PTPN2: variants seen among roughly 807,000 people sequenced by gnomAD.
PTPN2 encodes the protein protein tyrosine phosphatase non-receptor type 2.
Under a neutral mutation model 57.3 loss-of-function variants are expected in PTPN2, and 19 were observed. The ratio of observed to expected loss-of-function variants is 0.33; its 90% CI spans 0.23 to 0.49. PTPN2 has a LOEUF of 0.49. Ranked by LOEUF, PTPN2 falls within the 20% of genes least tolerant of loss-of-function variation. PTPN2 has a pLI of 0.99. For missense variants in PTPN2, 358 were observed against 501.1 expected (o/e 0.71, Z 2.73); for synonymous variants, 153 against 164.9 (o/e 0.93, Z 0.55).
intron 1 of PTPN2, among the ~76,000 whole-genome samples, chr18:12,870,186 C>A (rs1431112418): frequency 3.4e-5 from 5 of 147,978 alleles, no homozygotes; most frequent in Non-Finnish European, 7.4e-5. Flanking sequence ...AATGAGAAAA[C>A]AGACTCAACT....
intron 5 of PTPN2, 30 bp from the exon 6 acceptor site, chr18:12,817,395 G>C: frequency 6.4e-7 from 1 of 1,558,378 alleles, no homozygotes; most frequent in East Asian, 2.2e-5. Context: ...GGAGAAGTTA[G>C]TTCTAACTTT....
chr18:12,793,690 G>A lies in PTPN2; in HGVS notation c.*588C>T. The A allele has an allele frequency of 4.1e-6, 4 of 982,534 alleles. No individual in the cohort carries two copies. Among genetic ancestry groups the A allele is most frequent in the Non-Finnish European group, 4.8e-6 (4 of 826,860 alleles). The allele number at this position is 982,534 out of a possible 1,614,324, so 60.9% of individuals were successfully genotyped here. ...AAAATGTATCCAGTACAATTCAATC[G>A]ACATACAATTTATTTTTTTAGTAAC... On this transcript the variant is annotated 3_prime_UTR_variant, in exon 9 of 9. Transcript: ENST00000309660.
At position 12,884,178 on chromosome 18, in the gene PTPN2, C is replaced by T. The variant is rs752350784; in HGVS notation, c.-37G>A. 5.4e-5 allele frequency: 83 copies of T among 1,543,210 alleles called. No individual in the cohort carries two copies. Among genetic ancestry groups the T allele is most frequent in the Non-Finnish European group, 4.5e-5 (52 of 1,143,372 alleles). On this transcript the variant is annotated 5_prime_UTR_variant, in exon 1 of 9. Transcript: ENST00000309660. Reference sequence around the variant, plus strand: ...CGAGCTGGCGCGAGCAGAGCCTGCGCCGGCGGAGAGGCTCAGGCCCCGCAC... The same window carrying T: ...CGAGCTGGCGCGAGCAGAGCCTGCGTCGGCGGAGAGGCTCAGGCCCCGCAC...
At chr18:12,824,979 A>G (rs1488136539) in intron 5 of PTPN2, among the ~76,000 whole-genome samples, 6 of 152,140 alleles carry the variant, frequency 3.9e-5, no homozygotes, top group Non-Finnish European at 7.4e-5. Context: ...CCAGATACTC[A>G]GGAGGCTGAA....
chr18:12,816,912 A>C (rs1206770038), intron 6 of PTPN2, among the ~76,000 whole-genome samples: 1 of 152,186 alleles, frequency 6.6e-6, no homozygotes, highest in Non-Finnish European at 1.5e-5. Flanking sequence ...TGTAATATAA[A>C]GCTACCAGGA....
chr18:12,804,289 C>CAAAAAAAA (rs59927276), intron 7 of PTPN2, among the ~76,000 whole-genome samples: 42 of 67,686 alleles, frequency 6.2e-4, no homozygotes, highest in African/African-American at 1.5e-3. Context: ...GAAACTGTCT[C>CAAAAAAAA]AAAAAAAAAA....
At chr18:12,876,044 C>T in intron 1 of PTPN2, among the ~76,000 whole-genome samples, 1 of 152,000 alleles carries the variant, frequency 6.6e-6, no homozygotes, top group Non-Finnish European at 1.5e-5. Context: ...CCTGTCTCTA[C>T]AAAACATAAA....
At chr18:12,849,333 T>A (rs1213022733) in intron 2 of PTPN2, among the ~76,000 whole-genome samples, 1 of 152,192 alleles carries the variant, frequency 6.6e-6, no homozygotes, top group East Asian at 1.9e-4. Flanking sequence ...CCGAGGCAGA[T>A]GGATCACCTG....
chr18:12,876,248 G>T (rs1191495404), intron 1 of PTPN2, among the ~76,000 whole-genome samples: 1 of 147,116 alleles, frequency 6.8e-6, no homozygotes, highest in African/African-American at 2.5e-5. Flanking sequence ...ACCACTTGAG[G>T]CCGGGAGTTC....
intron 7 of PTPN2, among the ~76,000 whole-genome samples, chr18:12,809,671 G>T (rs1453019308): frequency 6.6e-6 from 1 of 152,172 alleles, no homozygotes. Context: ...ATTGCCCGAG[G>T]AGTCTAATGA....
intron 9 of PTPN2, chr18:12,786,581 G>GC (rs1297817250): frequency 6.6e-6 from 1 of 152,136 alleles, no homozygotes; most frequent in Non-Finnish European, 1.5e-5. Flanking sequence ...CCCAAACTTT[G>GC]CAAGTAACAA....
intron 1 of PTPN2, among the ~76,000 whole-genome samples, chr18:12,874,390 C>T (rs1408303507): frequency 6.7e-6 from 1 of 149,076 alleles, no homozygotes; most frequent in Non-Finnish European, 1.5e-5. Context: ...AGTGAGGAGC[C>T]CCTTCCGGGA....
At chr18:12,814,378 G>T in intron 6 of PTPN2, 23 bp from the exon 7 acceptor site, 2 of 1,563,928 alleles carry the variant, frequency 1.3e-6, no homozygotes, top group South Asian at 1.2e-5. Context: ...CAAAAAATGA[G>T]ACAAGTCTTG....
downstream of PTPN2, among the ~76,000 whole-genome samples, chr18:12,789,799 A>G (rs2040933884): frequency 6.6e-6 from 1 of 152,180 alleles, no homozygotes; most frequent in South Asian, 2.1e-4. Flanking sequence ...TAAAAAACAT[A>G]TATTTATAAA....
chr18:12,864,620 G>A (rs558521463), intron 1 of PTPN2, among the ~76,000 whole-genome samples: 6 of 151,884 alleles, frequency 4.0e-5, no homozygotes, highest in Non-Finnish European at 7.4e-5. Context: ...GGATGGTCTC[G>A]ATCTCCTGAC....
chr18:12,871,853 G>C (rs898099781), intron 1 of PTPN2, among the ~76,000 whole-genome samples: 1 of 152,038 alleles, frequency 6.6e-6, no homozygotes, highest in Non-Finnish European at 1.5e-5. Context: ...TTCAAGACCA[G>C]CCTGGCCAAC....
chr18:12,860,322 T>C (rs1258288351), intron 1 of PTPN2, among the ~76,000 whole-genome samples: 1 of 145,742 alleles, frequency 6.9e-6, no homozygotes, highest in East Asian at 2.1e-4. Context: ...AATTAGGCTG[T>C]GCGCGGTGGC....
intron 3 of PTPN2, among the ~76,000 whole-genome samples, chr18:12,832,054 G>C (rs1255540811): frequency 6.6e-6 from 1 of 152,182 alleles, no homozygotes; most frequent in East Asian, 1.9e-4. Flanking sequence ...AGTCAGGAGT[G>C]GGGGCTAGGG....
At chr18:12,841,088 T>C in intron 2 of PTPN2, 1 of 936,824 alleles carries the variant, frequency 1.1e-6, no homozygotes, top group Non-Finnish European at 1.5e-6. Flanking sequence ...GCCGTGACTC[T>C]GAGTACTGAT....
Sources: allele counts gnomAD v4.1 joint callset (sites outside exome capture counted in the v4.1 genomes callset), GRCh38; gene constraint gnomAD v4.1.1; transcripts MANE v1.5; gene names NCBI Gene and HGNC (gene_info 2026-07-23, HGNC 2026-07-21).